Variants in ARID2 observed in about 807,000 individuals in gnomAD.
ARID2 encodes AT-rich interaction domain 2.
Under a neutral mutation model 184.6 loss-of-function variants are expected in ARID2, and 32 were observed. The observed-to-expected ratio is 0.17, with a 90% CI of 0.13 to 0.23. ARID2 has a LOEUF of 0.23. ARID2 is among the 10% of genes least tolerant of loss of function. The pLI is 1.00. For synonymous variants in ARID2, 836 were observed against 772.6 expected (o/e 1.08, Z -1.36); for missense variants, 1,696 against 2,197.6 (o/e 0.77, Z 4.56).
rs566281939 is a variant in ARID2, at chr12:45,868,855, A to T, written c.4922+7906A>T. Among the ~76,000 whole-genome samples the T allele has an allele frequency of 2.6e-5, 4 of 152,266 alleles. No homozygotes were observed. The South Asian group carries it at 8.3e-4, about 32-fold the overall frequency. On this transcript the variant is annotated intron_variant, in intron 16 of 20. Transcript: ENST00000334344. ...CACTTTAAATGTATTTTAACTTTGG[A>T]CATGGCAGTTTGCCCCTGCTGATTC...
At chr12:45,784,558 G>A (rs542207052) in intron 3 of ARID2, among the ~76,000 whole-genome samples, 2 of 152,224 alleles carry the variant, frequency 1.3e-5, no homozygotes, top group African/African-American at 4.8e-5. Context: ...GCTACTTTCA[G>A]GGGGCTGAGG....
intron 3 of ARID2, among the ~76,000 whole-genome samples, chr12:45,765,162 CTAAG>C (rs1185461594): frequency 6.6e-6 from 1 of 151,974 alleles, no homozygotes; most frequent in Non-Finnish European, 1.5e-5. Context: ...GGTGAAGTAA[CTAAG>C]TATTTGATCT....
rs376194470 is a variant in ARID2 at position 45,819,990 on chromosome 12, C to T, written c.638-1430C>T. ...AACTCCTGTCCTCAAGTGATCTGCC[C>T]GCCTCGGCCTCCCAGAGTGCTGGGA... On this transcript the variant is annotated intron_variant, in intron 5 of 20. Transcript: ENST00000334344. Among the ~76,000 whole-genome samples, 9 of 152,080 alleles carry T rather than the reference C, an allele frequency of 5.9e-5. No individual in the cohort carries two copies. In the South Asian group the frequency reaches 6.2e-4, roughly 11 times the overall value.
At chr12:45,776,331 A>G (rs982198395) in intron 3 of ARID2, 3 of 152,454 alleles carry the variant, frequency 2.0e-5, no homozygotes, top group Admixed American at 1.3e-4. Context: ...TTAATCCAGT[A>G]TATTTGTCTT....
chr12:45,739,322 A>G (rs553700224), intron 3 of ARID2, among the ~76,000 whole-genome samples: 13 of 152,030 alleles, frequency 8.6e-5, no homozygotes, highest in South Asian at 6.2e-4. Flanking sequence ...TACATTATCC[A>G]TAGTTGCTAT....
At chr12:45,847,515 G>A (rs1254414434) in intron 12 of ARID2, among the ~76,000 whole-genome samples, 1 of 152,026 alleles carries the variant, frequency 6.6e-6, no homozygotes, top group Non-Finnish European at 1.5e-5. Flanking sequence ...AAAAGCAAAT[G>A]AAGAGTTTTA....
At chr12:45,729,992 G>C in intron 1 of ARID2, 52 bp from the exon 2 acceptor site, 10 of 1,607,228 alleles carry the variant, frequency 6.2e-6, no homozygotes, top group Non-Finnish European at 7.7e-6. Flanking sequence ...CTCCCGCCCG[G>C]GCCGGGCACG....
chr12:45,831,376 A>T (rs1943119470), intron 6 of ARID2, among the ~76,000 whole-genome samples: 1 of 152,064 alleles, frequency 6.6e-6, no homozygotes, highest in Non-Finnish European at 1.5e-5. Context: ...TGGGTTATTT[A>T]TTTAAGTTTT....
chr12:45,752,074 CTT>C (rs889433196), intron 3 of ARID2, among the ~76,000 whole-genome samples: 1 of 152,150 alleles, frequency 6.6e-6, no homozygotes, highest in African/African-American at 2.4e-5. Flanking sequence ...AAGTTTTATA[CTT>C]TTTCAATTTT....
chr12:45,875,548 A>G (rs543026566), intron 16 of ARID2, among the ~76,000 whole-genome samples: 8 of 152,232 alleles, frequency 5.3e-5, no homozygotes, highest in African/African-American at 2.4e-5. Context: ...CTCTCTAGCT[A>G]TGAAAGTCCT....
chr12:45,750,805 C>T (rs976683075), intron 3 of ARID2, among the ~76,000 whole-genome samples: 2 of 152,018 alleles, frequency 1.3e-5, no homozygotes, highest in African/African-American at 4.8e-5. Context: ...CCCAAACTAC[C>T]CTATAAGAAT....
chr12:45,777,057 G>T (rs1288257621), intron 3 of ARID2, among the ~76,000 whole-genome samples: 1 of 151,460 alleles, frequency 6.6e-6, no homozygotes, highest in Admixed American at 6.6e-5. Context: ...TTCCCAAAGT[G>T]CTGGGATTAC....
intron 6 of ARID2, among the ~76,000 whole-genome samples, chr12:45,827,963 G>T (rs559795888): frequency 6.6e-6 from 1 of 151,890 alleles, no homozygotes; most frequent in Non-Finnish European, 1.5e-5. Flanking sequence ...TAAGCTTCAG[G>T]ATGCATTGAC....
chr12:45,749,468 C>T (rs1272851162), intron 3 of ARID2, among the ~76,000 whole-genome samples: 2 of 152,164 alleles, frequency 1.3e-5, no homozygotes, highest in African/African-American at 4.8e-5. Flanking sequence ...TCAGAATGGT[C>T]ATTGAGCATT....
chr12:45,795,934 T>A (rs1421779474), intron 3 of ARID2, among the ~76,000 whole-genome samples: 3 of 152,132 alleles, frequency 2.0e-5, no homozygotes, highest in Non-Finnish European at 4.4e-5. Context: ...TCTCTTTTAT[T>A]CCTAGAAAAG....
rs1944535152 is a variant in ARID2, at chr12:45,906,730, C to G, written c.*1652C>G. 1 of 231,832 alleles carries G rather than the reference C, an allele frequency of 4.3e-6. No homozygotes were observed. Among genetic ancestry groups the G allele is most frequent in the Non-Finnish European group, 8.5e-6 (1 of 117,386 alleles). 14.4% of individuals were successfully genotyped at this position (231,832 alleles called of 1,614,324 possible). On this transcript the variant is annotated 3_prime_UTR_variant, in exon 21 of 21. Coordinates refer to ENST00000334344, the MANE Select transcript of ARID2 (RefSeq NM_152641.4). The stretch of plus-strand genomic sequence containing the variant: ...AATTTGCATGAAATAAGCAGATTAA[C>G]CAAGTATTTATTTTTCATCTTGTTA...
chr12:45,879,727 G>C (rs987144842), intron 16 of ARID2, among the ~76,000 whole-genome samples: 1 of 152,172 alleles, frequency 6.6e-6, no homozygotes, highest in African/African-American at 2.4e-5. Context: ...TGTTTGAAAG[G>C]AAACTGAAAG....
intron 20 of ARID2, among the ~76,000 whole-genome samples, chr12:45,895,951 T>G (rs1342682716): frequency 6.6e-6 from 1 of 152,198 alleles, no homozygotes; most frequent in African/African-American, 2.4e-5. Context: ...AAAGAATATA[T>G]AAACAACTGG....
At chr12:45,739,041 T>A (rs1182544050) in intron 3 of ARID2, among the ~76,000 whole-genome samples, 1 of 152,008 alleles carries the variant, frequency 6.6e-6, no homozygotes, top group Non-Finnish European at 1.5e-5. Context: ...TGATCTTGGC[T>A]CACTGCAGCC....
Sources: gnomAD v4.1 joint callset for allele counts (sites outside exome capture counted in the v4.1 genomes callset) on GRCh38, gnomAD v4.1.1 for gene constraint, MANE v1.5 for transcripts, NCBI Gene and HGNC (gene_info 2026-07-23, HGNC 2026-07-21) for gene names.